The following HNF4A variants were observed in gnomAD, a reference collection of about 807,000 sequenced individuals.
HNF4A encodes the protein hepatocyte nuclear factor 4 alpha, also known as hepatocyte nuclear factor 4-alpha.
Under a neutral mutation model 52.4 loss-of-function variants are expected in HNF4A, and 15 were observed. That is an observed-to-expected ratio of 0.29 (90% CI 0.19 to 0.44). The LOEUF is 0.44. Ranked by LOEUF, HNF4A falls within the 20% of genes least tolerant of loss-of-function variation. HNF4A has a pLI of 1.00. For missense variants in HNF4A, 479 were observed against 647.2 expected, an observed-to-expected ratio of 0.74 and a Z score of 2.82; for synonymous variants, 280 against 264.4, an observed-to-expected ratio of 1.06 and a Z score of -0.57.
chr20:44,429,544 C>T lies in HNF4A; in HGVS notation c.1304C>T (p.Pro435Leu). ...CCAGCCACCCCTGAGACCCCACAGC[C>T]CTCACCGCCAGGTGGCTCAGGGTCT... is the stretch of plus-strand genomic sequence containing the variant. Residue 435 changes from proline (P) to leucine (L), a missense_variant, in exon 10 of 10, where the codon CCC (proline) becomes CTC (leucine). Pro to Leu is a moderately conservative substitution (Grantham distance 98). Transcript: ENST00000316099. The T allele has an allele frequency of 6.2e-7, 1 of 1,614,122 alleles. No homozygotes were observed. The highest frequency in any genetic ancestry group is 8.5e-7 in the Non-Finnish European group (1 of 1,180,022).
chr20:44,409,796 C>A (rs1256956235), intron 3 of HNF4A, among the ~76,000 whole-genome samples: 1 of 151,574 alleles, frequency 6.6e-6, no homozygotes, highest in Non-Finnish European at 1.5e-5. Context: ...CTGCACAAGT[C>A]ACACTGCCCA....
intron 3 of HNF4A, among the ~76,000 whole-genome samples, chr20:44,410,797 C>A (rs149400074): frequency 1.3e-5 from 2 of 152,008 alleles, no homozygotes; most frequent in African/African-American, 4.8e-5. Context: ...AGAACTCAGG[C>A]TCCCCAGAGC....
rs2063875098 is a variant in HNF4A at position 44,431,325 on chromosome 20, G to A, written c.*1660G>A. 1 of 152,366 alleles carries A rather than the reference G, an allele frequency of 6.6e-6. No individual in the cohort carries two copies. The highest frequency in any genetic ancestry group is 1.5e-5 in the Non-Finnish European group (1 of 68,058). 9.4% of individuals were successfully genotyped at this position (152,366 alleles called of 1,614,324 possible). ...CCACTCCCAGGACCAAGATTGGCCT[G>A]AGGCTGCACTAAAATTCACTTAGGG... is the stretch of plus-strand genomic sequence containing the variant. On this transcript the variant is annotated 3_prime_UTR_variant, in exon 10 of 10. Transcript: ENST00000316099.
rs752256167 is a variant in HNF4A, at chr20:44,431,738, G to A, written c.*2073G>A. On this transcript the variant is annotated 3_prime_UTR_variant, in exon 10 of 10. Transcript: ENST00000316099. ...GTGATTAGGTAGGAGGGAAACTGTT[G>A]GACCGACTCCTGCCCCCTGCTCAAC... 6.6e-6 allele frequency: 1 copy of A among 152,244 alleles called. No individual in the cohort carries two copies. The highest frequency in any genetic ancestry group is 1.5e-5 in the Non-Finnish European group (1 of 68,096). The allele number at this position is 152,244 out of a possible 1,614,324, so 9.4% of individuals were successfully genotyped here. A position where few individuals can be genotyped will look rare whatever the true frequency, so the allele number is the denominator to read the frequency against.
Position 44,424,651 on chromosome 20 carries a change from T to C in HNF4A, c.1129+397T>C, listed in dbSNP as rs920379032. 12 of 1,344,000 alleles carry C rather than the reference T, an allele frequency of 8.9e-6. No individual in the cohort carries two copies. The African/African-American group carries it at 1.6e-4, about 18-fold the overall frequency. The allele number at this position is 1,344,000 out of a possible 1,614,324, so 83.3% of individuals were successfully genotyped here. On this transcript the variant is annotated intron_variant, in intron 8 of 9. Transcript: ENST00000316099. ...AACAGGTAATATGATAGAGTTTAAC[T>C]GAAAAGGAATCCTCTTTAGATAGGG...
At chr20:44,415,539 G>A (rs2063651498) in intron 5 of HNF4A, among the ~76,000 whole-genome samples, 1 of 152,190 alleles carries the variant, frequency 6.6e-6, no homozygotes, top group African/African-American at 2.4e-5. Context: ...TTACCCATCT[G>A]GGGAAGAGGA....
intron 1 of HNF4A, among the ~76,000 whole-genome samples, chr20:44,383,035 G>T (rs775569356): frequency 6.6e-6 from 1 of 152,092 alleles, no homozygotes; most frequent in Non-Finnish European, 1.5e-5. Context: ...CAGGGGTGGT[G>T]GTCCACACAT....
At chr20:44,423,935 G>GT (rs2063781725) in intron 7 of HNF4A, 83 bp from the exon 8 acceptor site, 3 of 1,343,134 alleles carry the variant, frequency 2.2e-6, no homozygotes, top group African/African-American at 2.9e-5. Flanking sequence ...TGTGATACAA[G>GT]TCAGGGGACA....
In HNF4A at chr20:44,426,805, TCAA is replaced by T. The variant is rs111608208; in HGVS notation, c.1130-1517_1130-1515del. 4.4e-3 allele frequency among the ~76,000 whole-genome samples: 664 copies of T among 152,152 alleles called. 8 individuals carry two copies. Among genetic ancestry groups the T allele is most frequent in the African/African-American group, 0.014 (597 of 41,518 alleles). ...GTGGGCGACAGAACAAGGCTCTGTC[TCAA>T]CAACAACAACAAAAGGATGGGGTGA... is the stretch of plus-strand genomic sequence containing the variant. On this transcript the variant is annotated intron_variant, in intron 8 of 9. Coordinates refer to ENST00000316099, the MANE Select transcript of HNF4A (RefSeq NM_000457.6).
chr20:44,365,101 C>G (rs1461323773), intron 1 of HNF4A, among the ~76,000 whole-genome samples: 3 of 152,178 alleles, frequency 2.0e-5, no homozygotes, highest in Admixed American at 2.0e-4. Flanking sequence ...CCTCCACACA[C>G]ACACGTTAAA....
intron 1 of HNF4A, among the ~76,000 whole-genome samples, chr20:44,374,525 G>T (rs1013120760): frequency 1.3e-5 from 2 of 151,976 alleles, no homozygotes; most frequent in African/African-American, 4.8e-5. Context: ...GTGCAGTGGC[G>T]CAATCTCAGC....
At chr20:44,360,605 C>T (rs530657719) in intron 1 of HNF4A, among the ~76,000 whole-genome samples, 35 of 152,172 alleles carry the variant, frequency 2.3e-4, no homozygotes, top group Non-Finnish European at 4.7e-4. Flanking sequence ...GCTGAGGTAG[C>T]CTGGAATAGC....
At chr20:44,366,130 AT>A (rs1443932102) in intron 1 of HNF4A, among the ~76,000 whole-genome samples, 1 of 152,218 alleles carries the variant, frequency 6.6e-6, no homozygotes, top group Non-Finnish European at 1.5e-5. Context: ...GAAATTTCAC[AT>A]TTTAACAAAA....
chr20:44,359,267 G>A (rs890201844), intron 1 of HNF4A, among the ~76,000 whole-genome samples: 16 of 152,152 alleles, frequency 1.1e-4, no homozygotes, highest in African/African-American at 2.4e-4. Context: ...TCCTCACTGC[G>A]TTGTCTTTGG....
downstream of HNF4A, chr20:44,433,541 T>G (rs946700645): frequency 6.6e-6 from 1 of 152,154 alleles, no homozygotes; most frequent in Non-Finnish European, 1.5e-5. Context: ...ATTAGCCAGG[T>G]ATAGTGGTGT....
At chr20:44,365,782 GA>G (rs1245153252) in intron 1 of HNF4A, among the ~76,000 whole-genome samples, 1 of 152,152 alleles carries the variant, frequency 6.6e-6, no homozygotes, top group Admixed American at 6.6e-5. Context: ...TGAGGTGGGT[GA>G]ATCACTTGAC....
intron 1 of HNF4A, among the ~76,000 whole-genome samples, chr20:44,367,639 CA>C (rs61083507): frequency 1.4e-3 from 171 of 121,244 alleles, no homozygotes; most frequent in Admixed American, 2.1e-3. Flanking sequence ...CACTCCGTCT[CA>C]AAAAAAAAAA....
At chr20:44,384,313 GTAA>G in intron 1 of HNF4A, among the ~76,000 whole-genome samples, 1 of 151,918 alleles carries the variant, frequency 6.6e-6, no homozygotes, top group African/African-American at 2.4e-5. Context: ...TCATTTGGTA[GTAA>G]TAATATTTCT....
chr20:44,395,541 G>GGTGGCT (rs1279617682), intron 1 of HNF4A: 1 of 152,290 alleles, frequency 6.6e-6, no homozygotes, highest in Non-Finnish European at 1.5e-5. Flanking sequence ...GGTCCAGTGG[G>GGTGGCT]GTGGCTGTGG....
Sources: gnomAD v4.1 joint callset for allele counts (sites outside exome capture counted in the v4.1 genomes callset) on GRCh38, gnomAD v4.1.1 for gene constraint, MANE v1.5 for transcripts, NCBI Gene and HGNC (gene_info 2026-07-23, HGNC 2026-07-21) for gene names.